The following ABTB3 variants were observed in gnomAD, a reference collection of about 807,000 sequenced individuals.
ABTB3 encodes ankyrin repeat- and BTB/POZ domain-containing protein 3.
the ABTB3 span, among the ~76,000 whole-genome samples, chr12:107,478,271 C>T: frequency 6.6e-6 from 1 of 152,180 alleles, no homozygotes; most frequent in African/African-American, 2.4e-5. Flanking sequence ...ACATGTCTTA[C>T]ACTTTAAATT....
the ABTB3 span, among the ~76,000 whole-genome samples, chr12:107,464,848 A>T: frequency 5.3e-5 from 8 of 152,118 alleles, no homozygotes; most frequent in Non-Finnish European, 8.8e-5. Flanking sequence ...ACATTTCTGG[A>T]TGGCATAGCT....
the ABTB3 span, among the ~76,000 whole-genome samples, chr12:107,536,320 T>C: frequency 1.3e-5 from 2 of 152,170 alleles, no homozygotes; most frequent in African/African-American, 4.8e-5. Flanking sequence ...CTTCAGGACA[T>C]TGGTCTAGGC....
At chr12:107,639,780 T>C in the ABTB3 span, among the ~76,000 whole-genome samples, 1 of 152,272 alleles carries the variant, frequency 6.6e-6, no homozygotes, top group African/African-American at 2.4e-5. Context: ...TTTCTTCAAC[T>C]GCACAGTAGG....
At chr12:107,359,814 C>T in the ABTB3 span, among the ~76,000 whole-genome samples, 1 of 152,168 alleles carries the variant, frequency 6.6e-6, no homozygotes, top group African/African-American at 2.4e-5. Context: ...TTGATCCTCC[C>T]TCAGTCTGAA....
chr12:107,576,801 C>G, the ABTB3 span, among the ~76,000 whole-genome samples: 1 of 152,156 alleles, frequency 6.6e-6, no homozygotes, highest in South Asian at 2.1e-4. Flanking sequence ...CTCAGCAACT[C>G]TTGATATCTT....
chr12:107,595,654 G>A, the ABTB3 span, among the ~76,000 whole-genome samples: 3 of 152,118 alleles, frequency 2.0e-5, no homozygotes, highest in Middle Eastern at 3.2e-3. Flanking sequence ...GGAGTTGGGC[G>A]GGAAGAATAG....
chr12:107,355,599 A>G, the ABTB3 span, among the ~76,000 whole-genome samples: 2 of 152,160 alleles, frequency 1.3e-5, no homozygotes, highest in Non-Finnish European at 1.5e-5. Flanking sequence ...TTTCTATTAC[A>G]GGCTCAGGGA....
chr12:107,490,453 A>G, the ABTB3 span, among the ~76,000 whole-genome samples: 1 of 152,184 alleles, frequency 6.6e-6, no homozygotes, highest in African/African-American at 2.4e-5. Context: ...AGATGGTGGC[A>G]TAGTACTGCC....
At chr12:107,600,986 A>G in the ABTB3 span, among the ~76,000 whole-genome samples, 1 of 152,222 alleles carries the variant, frequency 6.6e-6, no homozygotes, top group Non-Finnish European at 1.5e-5. Flanking sequence ...GGGTGTCCAG[A>G]TGGCCTGATT....
chr12:107,494,316 C>T, the ABTB3 span, among the ~76,000 whole-genome samples: 1 of 152,150 alleles, frequency 6.6e-6, no homozygotes, highest in African/African-American at 2.4e-5. Context: ...CTCACCCCAC[C>T]CACGGTAAAA....
chr12:107,514,982 A>G, the ABTB3 span, among the ~76,000 whole-genome samples: 1 of 152,234 alleles, frequency 6.6e-6, no homozygotes, highest in Non-Finnish European at 1.5e-5. Context: ...TGCTTAGCAC[A>G]TGCAAAATAC....
chr12:107,400,614 G>A, the ABTB3 span, among the ~76,000 whole-genome samples: 56 of 152,250 alleles, frequency 3.7e-4, no homozygotes, highest in Non-Finnish European at 6.6e-4. Context: ...TGCCATGTGT[G>A]AACATTCAGT....
the ABTB3 span, among the ~76,000 whole-genome samples, chr12:107,351,594 T>G: frequency 6.6e-6 from 1 of 152,212 alleles, no homozygotes; most frequent in Non-Finnish European, 1.5e-5. Context: ...GGATTAACGC[T>G]GTTATCTTGG....
the ABTB3 span, among the ~76,000 whole-genome samples, chr12:107,566,875 G>A: frequency 6.6e-6 from 1 of 152,112 alleles, no homozygotes; most frequent in Non-Finnish European, 1.5e-5. Flanking sequence ...CACTTTGTGG[G>A]GCCAAGATAG....
chr12:107,644,699 A>T, the ABTB3 span, among the ~76,000 whole-genome samples: 1 of 152,010 alleles, frequency 6.6e-6, no homozygotes, highest in Non-Finnish European at 1.5e-5. Context: ...TTATTTTGTC[A>T]CCCAGTTAAT....
the ABTB3 span, among the ~76,000 whole-genome samples, chr12:107,610,918 C>G: frequency 6.6e-6 from 1 of 152,100 alleles, no homozygotes; most frequent in Admixed American, 6.6e-5. Flanking sequence ...CCGTCATGGA[C>G]AGAGAAAACA....
the ABTB3 span, among the ~76,000 whole-genome samples, chr12:107,334,426 G>A: frequency 6.6e-6 from 1 of 152,128 alleles, no homozygotes; most frequent in Non-Finnish European, 1.5e-5. Flanking sequence ...GGGGGTTAAG[G>A]AAGACTCTGA....
chr12:107,331,509 T>C, the ABTB3 span, among the ~76,000 whole-genome samples: 2 of 152,186 alleles, frequency 1.3e-5, no homozygotes, highest in African/African-American at 4.8e-5. Context: ...TTCCTTGGGC[T>C]TCCGGGGGGA....
At chr12:107,639,230 G>C in the ABTB3 span, among the ~76,000 whole-genome samples, 1 of 152,236 alleles carries the variant, frequency 6.6e-6, no homozygotes, top group African/African-American at 2.4e-5. Flanking sequence ...CACACACACA[G>C]TTTGACAGGG....
Sources: allele counts gnomAD v4.1 joint callset (sites outside exome capture counted in the v4.1 genomes callset), GRCh38; gene constraint gnomAD v4.1.1; transcripts MANE v1.5; gene names NCBI Gene and HGNC (gene_info 2026-07-23, HGNC 2026-07-21).